The following ZNF184 variants were observed in gnomAD, a reference collection of about 807,000 sequenced individuals.
ZNF184 encodes the protein zinc finger protein 184 (Kruppel-like).
Under a neutral mutation model 54.4 loss-of-function variants are expected in ZNF184, and 16 were observed. The observed-to-expected ratio is 0.29, with a 90% CI of 0.20 to 0.45. The LOEUF is 0.45. ZNF184 is among the 20% of genes least tolerant of loss of function. The pLI, the probability that ZNF184 is intolerant of heterozygous loss-of-function variation, is 1.00. For synonymous variants in ZNF184, 254 were observed against 295.3 expected (o/e 0.86, Z 1.43); for missense variants, 681 against 888.2 (o/e 0.77, Z 2.97).
chr6:27,467,769 G>C (rs1425187142), intron 3 of ZNF184, 84 bp downstream of exon 3: 1 of 1,330,208 alleles, frequency 7.5e-7, no homozygotes, highest in Non-Finnish European at 1.0e-6. Flanking sequence ...TTGATTTTTG[G>C]ATAAATAGAA....
chr6:27,438,402 G>A, the ZNF184 span, among the ~76,000 whole-genome samples: 1 of 152,154 alleles, frequency 6.6e-6, no homozygotes, highest in Non-Finnish European at 1.5e-5. Flanking sequence ...CTCTGAGGAG[G>A]AAGTGATAAA....
At chr6:27,433,993 CCT>C in the ZNF184 span, among the ~76,000 whole-genome samples, 3 of 33,502 alleles carry the variant, frequency 9.0e-5, no homozygotes, top group Admixed American at 3.9e-4. Context: ...TTCCTTCCTT[CCT>C]CTCTTTTCTT....
downstream of ZNF184, among the ~76,000 whole-genome samples, chr6:27,450,253 C>T (rs185209214): frequency 2.0e-4 from 30 of 152,238 alleles, no homozygotes; most frequent in East Asian, 5.4e-3. Flanking sequence ...AGTTGTAGGG[C>T]CTTGGCAAGA....
downstream of ZNF184, among the ~76,000 whole-genome samples, chr6:27,450,501 G>A (rs948943015): frequency 2.0e-5 from 3 of 152,098 alleles, no homozygotes; most frequent in Non-Finnish European, 2.9e-5. Flanking sequence ...GTCTGCAAAC[G>A]GAAATGGGCC....
the ZNF184 span, among the ~76,000 whole-genome samples, chr6:27,433,750 T>C: frequency 6.6e-6 from 1 of 152,222 alleles, no homozygotes; most frequent in African/African-American, 2.4e-5. Context: ...TAATGGACAA[T>C]TGGGTTGCTT....
chr6:27,425,519 G>T, the ZNF184 span, among the ~76,000 whole-genome samples: 1 of 152,318 alleles, frequency 6.6e-6, no homozygotes, highest in Middle Eastern at 3.4e-3. Flanking sequence ...GTAGGGGCAG[G>T]GACTGCTGAA....
At chr6:27,465,062 T>A (rs527751260) in intron 3 of ZNF184, among the ~76,000 whole-genome samples, 3 of 136,588 alleles carry the variant, frequency 2.2e-5, no homozygotes, top group South Asian at 2.3e-4. Context: ...TGTGAGGACA[T>A]GAGGAGGTGG....
chr6:27,422,902 T>G, the ZNF184 span, among the ~76,000 whole-genome samples: 1 of 152,180 alleles, frequency 6.6e-6, no homozygotes, highest in Non-Finnish European at 1.5e-5. Context: ...GTCCGCCGGA[T>G]TCAGTGTCTG....
At chr6:27,442,990 A>G in the ZNF184 span, among the ~76,000 whole-genome samples, 1 of 152,016 alleles carries the variant, frequency 6.6e-6, no homozygotes. Flanking sequence ...TTACTGTAAC[A>G]TTTCAGAGCC....
At chr6:27,443,491 CATT>C in the ZNF184 span, among the ~76,000 whole-genome samples, 3 of 152,176 alleles carry the variant, frequency 2.0e-5, no homozygotes, top group African/African-American at 7.2e-5. Context: ...GTAATCAATC[CATT>C]CAATATCTCA....
the ZNF184 span, among the ~76,000 whole-genome samples, chr6:27,424,353 G>A: frequency 2.0e-5 from 3 of 152,140 alleles, no homozygotes; most frequent in Non-Finnish European, 2.9e-5. Flanking sequence ...CTTCCACAGG[G>A]TACAAGGAAA....
chr6:27,434,074 G>A, the ZNF184 span, among the ~76,000 whole-genome samples: 1 of 149,502 alleles, frequency 6.7e-6, no homozygotes, highest in African/African-American at 2.5e-5. Context: ...AGGCTGCAGT[G>A]CAGTGGTGCA....
At chr6:27,438,737 T>C in the ZNF184 span, among the ~76,000 whole-genome samples, 2 of 152,208 alleles carry the variant, frequency 1.3e-5, no homozygotes, top group Non-Finnish European at 2.9e-5. Flanking sequence ...ATTTCTTTTC[T>C]GTTTTAGATG....
rs139196418 is a variant in ZNF184 at position 27,460,765 on chromosome 6, G to A, written c.76-3356C>T. Among the ~76,000 whole-genome samples the A allele has an allele frequency of 1.3e-3, 205 of 152,328 alleles. 1 individual carries two copies. Among genetic ancestry groups the A allele is most frequent in the African/African-American group, 4.7e-3 (194 of 41,570 alleles). ...ACATGACATAACTGAATAGAGTTGA[G>A]AAGTTATGTGCACAGTCGGCCCCCA... On this transcript the variant is annotated intron_variant, in intron 3 of 5. Coordinates refer to ENST00000683788, the MANE Select transcript of ZNF184 (RefSeq NM_001318891.2).
intron 5 of ZNF184, 25 bp downstream of exon 5, chr6:27,456,801 T>G (rs778394069): frequency 1.2e-5 from 19 of 1,593,586 alleles, no homozygotes; most frequent in Non-Finnish European, 1.6e-5. Context: ...TTAATGATAT[T>G]CATCTGCTGG....
chr6:27,421,935 G>A, the ZNF184 span, among the ~76,000 whole-genome samples: 1 of 151,902 alleles, frequency 6.6e-6, no homozygotes, highest in Non-Finnish European at 1.5e-5. Flanking sequence ...GCCAGGCTTG[G>A]TGGCACATGC....
the ZNF184 span, among the ~76,000 whole-genome samples, chr6:27,435,245 C>T: frequency 1.3e-5 from 2 of 152,214 alleles, no homozygotes; most frequent in Admixed American, 6.5e-5. Context: ...CTTCGGATGA[C>T]GTTTTTCTGT....
intron 3 of ZNF184, among the ~76,000 whole-genome samples, chr6:27,458,034 C>T (rs145601163): frequency 0.024 from 3,597 of 150,798 alleles, 60 homozygotes; most frequent in Non-Finnish European, 0.04. Flanking sequence ...CCATAACAAA[C>T]GACTGTCTAT....
intron 3 of ZNF184, among the ~76,000 whole-genome samples, chr6:27,462,673 A>C (rs1763026428): frequency 6.6e-6 from 1 of 150,846 alleles, no homozygotes; most frequent in Non-Finnish European, 1.5e-5. Flanking sequence ...GACCAGCCTG[A>C]CCAACATGGC....
Sources: gnomAD v4.1 joint callset for allele counts (sites outside exome capture counted in the v4.1 genomes callset) on GRCh38, gnomAD v4.1.1 for gene constraint, MANE v1.5 for transcripts, NCBI Gene and HGNC (gene_info 2026-07-23, HGNC 2026-07-21) for gene names.